The following PROS1 variants were observed in gnomAD, a reference collection of about 807,000 sequenced individuals.
PROS1 encodes the protein protein S.
A neutral mutation model predicts 75.9 loss-of-function variants in PROS1; 29 were observed. That is an observed-to-expected ratio of 0.38 (90% CI 0.28 to 0.52). The LOEUF is 0.52. Ranked by LOEUF, PROS1 falls within the 20% of genes least tolerant of loss-of-function variation. The pLI is 0.83. For synonymous variants in PROS1, 245 were observed against 280.6 expected (o/e 0.87, Z 1.27); for missense variants, 680 against 810.3 (o/e 0.84, Z 1.95).
chr3:93,902,614 G>A (rs567630508), intron 6 of PROS1, among the ~76,000 whole-genome samples: 3 of 151,972 alleles, frequency 2.0e-5, no homozygotes, highest in South Asian at 4.2e-4. Context: ...TTGGACAGGC[G>A]TGGTGGCATG....
chr3:93,970,578 C>T (rs1010785560), intron 1 of PROS1, among the ~76,000 whole-genome samples: 3 of 151,946 alleles, frequency 2.0e-5, no homozygotes, highest in Non-Finnish European at 2.9e-5. Context: ...CCTGGCTTCA[C>T]GCGATCCTTC....
intron 3 of PROS1, among the ~76,000 whole-genome samples, chr3:93,923,495 GTCTTGATATACTA>G (rs1194608984): frequency 6.6e-6 from 1 of 152,072 alleles, no homozygotes; most frequent in African/African-American, 2.4e-5. Flanking sequence ...AGCTGAAATA[GTCTTGATATACTA>G]TCTTTTCTAC....
chr3:93,946,794 A>G (rs1396254454), intron 1 of PROS1, among the ~76,000 whole-genome samples: 3 of 151,936 alleles, frequency 2.0e-5, no homozygotes, highest in Non-Finnish European at 4.4e-5. Flanking sequence ...ACAAAAGCCA[A>G]AATTGACAAA....
At chr3:93,947,131 C>T (rs1167318450) in intron 1 of PROS1, among the ~76,000 whole-genome samples, 1 of 152,150 alleles carries the variant, frequency 6.6e-6, no homozygotes, top group African/African-American at 2.4e-5. Context: ...CCATCTCACA[C>T]CAGTTAGAAT....
chr3:93,876,390 C>T (rs2107123555), intron 14 of PROS1, among the ~76,000 whole-genome samples: 1 of 151,890 alleles, frequency 6.6e-6, no homozygotes, highest in East Asian at 1.9e-4. Context: ...AGATCAAGAC[C>T]ATCCTGGTTA....
At position 93,973,797 on chromosome 3, in the gene PROS1, G is replaced by GGGACCGGAGCGCTAGGCGCCGC; in HGVS notation, c.-70_-49dup. The GGGACCGGAGCGCTAGGCGCCGC allele has an allele frequency of 6.5e-7, 1 of 1,538,912 alleles. No individual in the cohort carries two copies. The highest frequency in any genetic ancestry group is 1.2e-5 in the South Asian group (1 of 86,762). On this transcript the variant is annotated 5_prime_UTR_variant, in exon 1 of 15. Transcript: ENST00000394236. The stretch of plus-strand genomic sequence containing the variant: ...GCAGGGACGGTGGCGCGTCGCGGCG[G>GGGACCGGAGCGCTAGGCGCCGC]GGACCGGAGCGCTAGGCGCCGCGGA...
intron 3 of PROS1, among the ~76,000 whole-genome samples, chr3:93,922,205 A>G (rs1708951859): frequency 6.6e-6 from 1 of 152,200 alleles, no homozygotes; most frequent in African/African-American, 2.4e-5. Context: ...TAATTCACCA[A>G]CTTATCTTAG....
rs963668412 is a variant in PROS1 at position 93,927,362 on chromosome 3, C to T, written c.122G>A (p.Arg41His). Residue 41 changes from arginine to histidine, a missense_variant, in exon 2 of 15, where the codon CGT (arginine) becomes CAT (histidine). Transcript: ENST00000394236. ...GGTTTCTTCAAGTAAAGAATTTGCA[C>T]GACGCTTCCTAACCAGGACTTGTGA... ...QASQVLVRKR[R>H]ANSLLEETKQ... 16 of 1,613,970 alleles carry T rather than the reference C, an allele frequency of 9.9e-6. No individual in the cohort carries two copies. Among genetic ancestry groups the T allele is most frequent in the Admixed American group, 3.3e-5 (2 of 59,996 alleles).
chr3:93,879,382 T>G, intron 12 of PROS1, 68 bp from the exon 13 acceptor site: 1 of 1,534,860 alleles, frequency 6.5e-7, no homozygotes, highest in Non-Finnish European at 9.0e-7. Context: ...GAATTATTAT[T>G]AACACAGTCC....
intron 14 of PROS1, among the ~76,000 whole-genome samples, chr3:93,875,624 CTCTATCTATCTATCTATCTATCTA>C (rs56899294): frequency 6.8e-5 from 10 of 148,116 alleles, no homozygotes; most frequent in African/African-American, 2.2e-4. Context: ...CACTACTTAC[CTCTATCTATCTATCTATCTATCTA>C]TCTATCTATC....
chr3:93,947,818 C>T (rs1406400253), intron 1 of PROS1, among the ~76,000 whole-genome samples: 3 of 152,028 alleles, frequency 2.0e-5, no homozygotes, highest in South Asian at 2.1e-4. Context: ...CTGCCCGCCT[C>T]GGCCTCTCAA....
intron 6 of PROS1, among the ~76,000 whole-genome samples, chr3:93,904,493 T>C (rs1488902692): frequency 2.0e-5 from 3 of 152,210 alleles, no homozygotes; most frequent in African/African-American, 7.2e-5. Context: ...CATTTTATCA[T>C]ACTAAACACT....
Position 93,906,001 on chromosome 3 carries a change from G to A in PROS1, c.469+20C>T, listed in dbSNP as rs76052121. 6 of 1,613,724 alleles carry A rather than the reference G, an allele frequency of 3.7e-6. No homozygotes were observed. Among genetic ancestry groups the A allele is most frequent in the East Asian group, 4.5e-5 (2 of 44,870 alleles). ...GAGACCAATCCTGATGAGCTGGGGG[G>A]CGGGGGTTATTATACGTACCAAATT... On this transcript the variant is annotated intron_variant, in intron 5 of 14. Coordinates refer to ENST00000394236, the MANE Select transcript of PROS1 (RefSeq NM_000313.4).
intron 1 of PROS1, among the ~76,000 whole-genome samples, chr3:93,946,254 C>T (rs1282079975): frequency 6.6e-5 from 10 of 152,128 alleles, no homozygotes; most frequent in Non-Finnish European, 1.0e-4. Flanking sequence ...GGATTCAATG[C>T]CATCCCCATC....
intron 1 of PROS1, chr3:93,973,459 GCAATACATT>G (rs1047633995): frequency 6.6e-6 from 4 of 601,558 alleles, no homozygotes; most frequent in Non-Finnish European, 1.2e-5. Context: ...TGTCCTGTAG[GCAATACATT>G]CTCGCAACTG....
chr3:93,930,645 C>T (rs1298423269), intron 1 of PROS1, among the ~76,000 whole-genome samples: 5 of 152,178 alleles, frequency 3.3e-5, no homozygotes, highest in Non-Finnish European at 7.3e-5. Flanking sequence ...ATACTGTATT[C>T]ATGCTTGTGA....
At chr3:93,877,762 T>C (rs911790311) in intron 13 of PROS1, among the ~76,000 whole-genome samples, 3 of 152,228 alleles carry the variant, frequency 2.0e-5, no homozygotes, top group African/African-American at 7.2e-5. Context: ...GTGTTCATTC[T>C]GCTGAACCTT....
rs5006874 is a variant in PROS1, at chr3:93,897,032, A to G, written c.850-341T>C. ...ATATTTCTTTAATTAACAGTCAGGTATATTATCTCCCATGAATTATGTCTG... is the reference window on the plus strand; with the variant it reads ...ATATTTCTTTAATTAACAGTCAGGTGTATTATCTCCCATGAATTATGTCTG... On this transcript the variant is annotated intron_variant, in intron 8 of 14. Transcript: ENST00000394236. 5.3e-5 allele frequency among the ~76,000 whole-genome samples: 8 copies of G among 152,274 alleles called. No individual in the cohort carries two copies. The East Asian group carries it at 1.5e-3, about 29-fold the overall frequency.
intron 1 of PROS1, chr3:93,967,964 T>A (rs944713958): frequency 6.6e-6 from 1 of 152,186 alleles, no homozygotes; most frequent in African/African-American, 2.4e-5. Context: ...AACTTGTTAA[T>A]ATTAGTATCA....
Sources: gnomAD v4.1 joint callset for allele counts (sites outside exome capture counted in the v4.1 genomes callset) on GRCh38, gnomAD v4.1.1 for gene constraint, MANE v1.5 for transcripts, NCBI Gene and HGNC (gene_info 2026-07-23, HGNC 2026-07-21) for gene names.